HMGCLL1: variants seen among roughly 807,000 people sequenced by gnomAD.
HMGCLL1 encodes 3-hydroxy-3-methylglutaryl-CoA lyase like 1.
A neutral mutation model predicts 39.1 loss-of-function variants in HMGCLL1; 36 were observed. The ratio of observed to expected loss-of-function variants is 0.92; its 90% CI spans 0.71 to 1.22. The LOEUF is 1.22. Among genes scored for constraint, HMGCLL1 ranks in the 50% most tolerant of loss-of-function variants. The pLI, the probability that HMGCLL1 is intolerant of heterozygous loss-of-function variation, is 0.00. For missense variants in HMGCLL1, 451 were observed against 416.5 expected, an observed-to-expected ratio of 1.08 and a Z score of -0.72; for synonymous variants, 149 against 144.0, an observed-to-expected ratio of 1.03 and a Z score of -0.25.
chr6:55,512,402 T>C (rs1041861547), intron 5 of HMGCLL1: 2 of 152,104 alleles, frequency 1.3e-5, no homozygotes, highest in Admixed American at 6.6e-5. Flanking sequence ...AAACCAATAG[T>C]ATATCTCTCC....
At chr6:55,623,534 T>C in the HMGCLL1 span, among the ~76,000 whole-genome samples, 1 of 151,722 alleles carries the variant, frequency 6.6e-6, no homozygotes. Flanking sequence ...TGTTTGATGT[T>C]CATGTGTTTA....
chr6:55,617,413 T>C, the HMGCLL1 span, among the ~76,000 whole-genome samples: 1 of 151,980 alleles, frequency 6.6e-6, no homozygotes, highest in South Asian at 2.1e-4. Context: ...TGTGAAGAGG[T>C]TGGGAACCAT....
chr6:55,606,220 G>A, the HMGCLL1 span, among the ~76,000 whole-genome samples: 5 of 152,242 alleles, frequency 3.3e-5, no homozygotes, highest in African/African-American at 1.2e-4. Context: ...AAAATTTGGT[G>A]AAAGGACACA....
chr6:55,477,054 G>T lies in HMGCLL1; in HGVS notation c.795+18365C>A, dbSNP rs553832595. ...CAGTAATGGGATGGCTGGGTCAAAT[G>T]GTATTTCTATGTAACAAACCTGCAC... is the stretch of plus-strand genomic sequence containing the variant. On this transcript the variant is annotated intron_variant, in intron 7 of 8. Transcript: ENST00000274901. Among the ~76,000 whole-genome samples the T allele has an allele frequency of 2.9e-5, 3 of 103,688 alleles. 1 individual carries two copies. The Admixed American group carries it at 3.9e-4, about 14-fold the overall frequency. The allele number at this position is 103,688 out of a possible 152,430, so 68.0% of individuals were successfully genotyped here. A position where few individuals can be genotyped will look rare whatever the true frequency, so the allele number is the denominator to read the frequency against.
At chr6:55,453,560 G>C (rs1240731288) in intron 7 of HMGCLL1, among the ~76,000 whole-genome samples, 2 of 152,172 alleles carry the variant, frequency 1.3e-5, no homozygotes, top group Non-Finnish European at 2.9e-5. Context: ...TATAGGATAT[G>C]AGCTTTATTC....
intron 3 of HMGCLL1, among the ~76,000 whole-genome samples, chr6:55,531,048 TACGCTTAATATCTTA>T (rs1406095457): frequency 6.6e-6 from 1 of 152,222 alleles, no homozygotes; most frequent in East Asian, 1.9e-4. Context: ...CTATCCAGAC[TACGCTTAATATCTTA>T]ATGCTTTAAT....
intron 1 of HMGCLL1, among the ~76,000 whole-genome samples, chr6:55,555,837 G>T (rs1184327212): frequency 6.6e-6 from 1 of 152,218 alleles, no homozygotes; most frequent in Non-Finnish European, 1.5e-5. Context: ...TTCGACAAAA[G>T]GAAGATTGAA....
chr6:55,608,888 T>C, the HMGCLL1 span, among the ~76,000 whole-genome samples: 2 of 152,302 alleles, frequency 1.3e-5, no homozygotes, highest in East Asian at 1.9e-4. Flanking sequence ...CCAGGTTCTG[T>C]CATCAGGACT....
chr6:55,640,154 A>G, the HMGCLL1 span, among the ~76,000 whole-genome samples: 1 of 152,056 alleles, frequency 6.6e-6, no homozygotes, highest in South Asian at 2.1e-4. Flanking sequence ...GAGGAGGGGC[A>G]GGTGGGAGAT....
the HMGCLL1 span, among the ~76,000 whole-genome samples, chr6:55,627,881 T>TTATATA: frequency 2.3e-5 from 1 of 43,486 alleles, no homozygotes; most frequent in South Asian, 6.0e-4. Context: ...ATAAACTCCC[T>TTATATA]TATATATATA....
At chr6:55,620,934 G>T in the HMGCLL1 span, among the ~76,000 whole-genome samples, 1 of 151,842 alleles carries the variant, frequency 6.6e-6, no homozygotes, top group Non-Finnish European at 1.5e-5. Context: ...ATTCACTATA[G>T]ATGTGTAAGT....
chr6:55,663,681 T>TATCA, the HMGCLL1 span, among the ~76,000 whole-genome samples: 1 of 151,852 alleles, frequency 6.6e-6, no homozygotes, highest in African/African-American at 2.4e-5. Context: ...TGGAGAGGTC[T>TATCA]ATCAGATCCA....
At chr6:55,640,864 T>C in the HMGCLL1 span, among the ~76,000 whole-genome samples, 1 of 151,930 alleles carries the variant, frequency 6.6e-6, no homozygotes, top group Non-Finnish European at 1.5e-5. Context: ...AAACCCACGA[T>C]TGACTTAAAA....
chr6:55,533,355 A>G (rs1050832859), intron 3 of HMGCLL1, among the ~76,000 whole-genome samples: 8 of 152,108 alleles, frequency 5.3e-5, no homozygotes, highest in African/African-American at 1.9e-4. Context: ...TCAATAAGAG[A>G]TAAGTTTGCA....
chr6:55,509,448 C>A (rs1767328263), intron 5 of HMGCLL1, among the ~76,000 whole-genome samples: 2 of 151,866 alleles, frequency 1.3e-5, no homozygotes, highest in African/African-American at 4.8e-5. Flanking sequence ...GGGTCAGGAT[C>A]TGAGTCCATA....
At chr6:55,564,120 A>G (rs1275620881) in intron 1 of HMGCLL1, among the ~76,000 whole-genome samples, 1 of 152,064 alleles carries the variant, frequency 6.6e-6, no homozygotes, top group Admixed American at 6.6e-5. Context: ...GAGACTCCTC[A>G]TTTCCTAAAT....
At chr6:55,474,004 G>A (rs1017513039) in intron 7 of HMGCLL1, among the ~76,000 whole-genome samples, 3 of 151,278 alleles carry the variant, frequency 2.0e-5, no homozygotes, top group East Asian at 1.9e-4. Flanking sequence ...CTATAGATAC[G>A]GTGTATTTTT....
chr6:55,443,043 T>A (rs561261826), intron 7 of HMGCLL1, among the ~76,000 whole-genome samples: 9 of 77,558 alleles, frequency 1.2e-4, no homozygotes, highest in African/African-American at 4.7e-4. Context: ...CCTGGAGCCC[T>A]TTTCAAATGA....
the HMGCLL1 span, among the ~76,000 whole-genome samples, chr6:55,666,428 A>T: frequency 1.3e-5 from 2 of 151,722 alleles, 1 homozygote; most frequent in Non-Finnish European, 2.9e-5. Flanking sequence ...GGGTAGGCAA[A>T]GTCCTTAAGC....
Sources: allele counts gnomAD v4.1 joint callset (sites outside exome capture counted in the v4.1 genomes callset), GRCh38; gene constraint gnomAD v4.1.1; transcripts MANE v1.5; gene names NCBI Gene and HGNC (gene_info 2026-07-23, HGNC 2026-07-21).